Variants in AHI1 observed in about 807,000 individuals in gnomAD.
AHI1 encodes jouberin.
Under a neutral mutation model 149.3 loss-of-function variants are expected in AHI1, and 123 were observed. The observed-to-expected ratio is 0.82, with a 90% CI of 0.71 to 0.96. AHI1 has a LOEUF of 0.96. AHI1 is among the 40% of genes least tolerant of loss of function. The pLI, the probability that AHI1 is intolerant of heterozygous loss-of-function variation, is 0.00. For synonymous variants in AHI1, 475 were observed against 459.8 expected (o/e 1.03, Z -0.42); for missense variants, 1,439 against 1,422.7 (o/e 1.01, Z -0.18).
chr6:135,427,025 G>T (rs1357941119), intron 20 of AHI1, 142 bp downstream of exon 20: 2 of 736,108 alleles, frequency 2.7e-6, no homozygotes, highest in Non-Finnish European at 4.3e-6. Flanking sequence ...AGAAACTTGT[G>T]GCTAGCTTTC....
At chr6:135,473,896 C>A (rs371888095) in intron 5 of AHI1, among the ~76,000 whole-genome samples, 1 of 152,222 alleles carries the variant, frequency 6.6e-6, no homozygotes, top group South Asian at 2.1e-4. Flanking sequence ...GATGGTTCAA[C>A]GTATGATTTT....
chr6:135,340,658 C>CATATATATAT (rs71006759), intron 24 of AHI1, among the ~76,000 whole-genome samples: 20 of 38,044 alleles, frequency 5.3e-4, no homozygotes, highest in African/African-American at 1.9e-3. Flanking sequence ...TACATACATA[C>CATATATATAT]ATATATATAT....
intron 5 of AHI1, among the ~76,000 whole-genome samples, chr6:135,478,552 C>A (rs913383329): frequency 2.0e-5 from 3 of 152,142 alleles, no homozygotes; most frequent in African/African-American, 7.2e-5. Context: ...AAAAACTATG[C>A]TCATTTGCAT....
chr6:135,490,553 A>T (rs957889648), intron 5 of AHI1, 70 bp downstream of exon 5: 7 of 1,572,216 alleles, frequency 4.5e-6, no homozygotes, highest in Non-Finnish European at 6.1e-6. Context: ...GAATTTTAAC[A>T]TAAAATGCAG....
chr6:135,393,353 A>C (rs1364054755), intron 23 of AHI1, among the ~76,000 whole-genome samples: 2 of 152,164 alleles, frequency 1.3e-5, no homozygotes, highest in Non-Finnish European at 2.9e-5. Flanking sequence ...ATTTTAAACA[A>C]TATATTAACT....
At chr6:135,371,427 G>A (rs1044736146) in intron 23 of AHI1, among the ~76,000 whole-genome samples, 2 of 152,132 alleles carry the variant, frequency 1.3e-5, no homozygotes, top group Non-Finnish European at 2.9e-5. Flanking sequence ...ATAGAAGCTT[G>A]TGATATTTTT....
intron 23 of AHI1, among the ~76,000 whole-genome samples, chr6:135,384,956 G>A (rs974073249): frequency 6.6e-6 from 1 of 152,078 alleles, no homozygotes; most frequent in African/African-American, 2.4e-5. Flanking sequence ...GGGCATGGTG[G>A]CAGGTACTTG....
chr6:135,367,774 CT>C (rs1302593414), intron 23 of AHI1, among the ~76,000 whole-genome samples: 1 of 151,914 alleles, frequency 6.6e-6, no homozygotes, highest in African/African-American at 2.4e-5. Context: ...TAAAAAATTT[CT>C]TTAAGTTGGT....
At chr6:135,395,539 G>T in intron 22 of AHI1, among the ~76,000 whole-genome samples, 1 of 151,870 alleles carries the variant, frequency 6.6e-6, no homozygotes. Context: ...TCACAGAAAT[G>T]AAATGCATAA....
chr6:135,429,262 T>C (rs1344583379), intron 18 of AHI1, among the ~76,000 whole-genome samples: 1 of 151,728 alleles, frequency 6.6e-6, no homozygotes, highest in Admixed American at 6.6e-5. Context: ...GCCTTCCATA[T>C]TTTTTCACTC....
chr6:135,352,811 GTT>G (rs61347819), intron 24 of AHI1, among the ~76,000 whole-genome samples: 3,207 of 132,170 alleles, frequency 0.024, 120 homozygotes, highest in African/African-American at 0.084. Context: ...TGTTTTGTGG[GTT>G]TTTTTTTTTT....
intron 5 of AHI1, among the ~76,000 whole-genome samples, chr6:135,480,552 G>T (rs1311535393): frequency 5.3e-5 from 8 of 152,012 alleles, no homozygotes; most frequent in African/African-American, 1.9e-4. Flanking sequence ...CTGAACATTT[G>T]TCCTCTCAAA....
chr6:135,478,934 A>G (rs1291493191), intron 5 of AHI1, among the ~76,000 whole-genome samples: 6 of 152,248 alleles, frequency 3.9e-5, no homozygotes, highest in Non-Finnish European at 8.8e-5. Context: ...GCCAAGATAC[A>G]GCTCAGGCTA....
At chr6:135,467,250 G>A (rs2128100255) in intron 6 of AHI1, among the ~76,000 whole-genome samples, 1 of 152,196 alleles carries the variant, frequency 6.6e-6, no homozygotes, top group Admixed American at 6.5e-5. Flanking sequence ...CTTGACAACT[G>A]AAAATTAACA....
rs368880599 is a variant in AHI1, at chr6:135,421,190, C to A, written c.2764+5977G>T. Among the ~76,000 whole-genome samples, 1,456 of 152,114 alleles carry A rather than the reference C, an allele frequency of 9.6e-3. 13 individuals carry two copies. The highest frequency in any genetic ancestry group is 0.017 in the Non-Finnish European group (1,152 of 67,986). On this transcript the variant is annotated intron_variant, in intron 20 of 28. Coordinates refer to ENST00000265602, the MANE Select transcript of AHI1 (RefSeq NM_001134831.2). ...CAATGTAACATCAAAAAGCACTCAC[C>A]GCAGATCACCATAACAGACATAATA...
intron 7 of AHI1, among the ~76,000 whole-genome samples, chr6:135,465,463 G>A (rs892627041): frequency 1.3e-5 from 2 of 152,158 alleles, no homozygotes; most frequent in East Asian, 3.8e-4. Flanking sequence ...AAAAGGGGAA[G>A]TAATTAGGTT....
chr6:135,445,119 TA>T (rs1483027360), intron 13 of AHI1, among the ~76,000 whole-genome samples: 2 of 152,252 alleles, frequency 1.3e-5, no homozygotes, highest in African/African-American at 4.8e-5. Flanking sequence ...TAAAGTATTC[TA>T]ACTCAAAGTG....
In AHI1 at chr6:135,300,816, C is replaced by CAAA. The variant is rs35584012; in HGVS notation, c.3427-261_3427-259dup. ...TAAAGTCAGCTTTCAGGTATGTGAC[C>CAAA]AAAAAAAAAAAAAAAAAATCAGTTG... On this transcript the variant is annotated intron_variant, in intron 26 of 28. Coordinates refer to ENST00000265602, the MANE Select transcript of AHI1 (RefSeq NM_001134831.2). The CAAA allele has an allele frequency of 7.8e-3, 7,321 of 935,758 alleles. 14 individuals carry two copies. The highest frequency in any genetic ancestry group is 8.5e-3 in the Non-Finnish European group (6,732 of 795,974). 58.0% of individuals were successfully genotyped at this position (935,758 alleles called of 1,614,324 possible).
At chr6:135,371,639 ATCT>A (rs1388198300) in intron 23 of AHI1, among the ~76,000 whole-genome samples, 1 of 152,138 alleles carries the variant, frequency 6.6e-6, no homozygotes, top group Admixed American at 6.5e-5. Flanking sequence ...TTTTCAACTA[ATCT>A]TCTATGTGAA....
Sources: gnomAD v4.1 joint callset for allele counts (sites outside exome capture counted in the v4.1 genomes callset) on GRCh38, gnomAD v4.1.1 for gene constraint, MANE v1.5 for transcripts, NCBI Gene and HGNC (gene_info 2026-07-23, HGNC 2026-07-21) for gene names.